Variants in FAM177A1 observed in about 807,000 individuals in gnomAD.
FAM177A1 encodes the protein family with sequence similarity 177 member A1, also known as protein FAM177A1.
Under a neutral mutation model 26.1 loss-of-function variants are expected in FAM177A1, and 22 were observed. That is an observed-to-expected ratio of 0.84 (90% CI 0.60 to 1.20). The LOEUF is 1.20. Ranked by LOEUF, FAM177A1 falls within the 50% of genes most tolerant of loss-of-function variation. FAM177A1 has a pLI of 0.00. For missense variants in FAM177A1, 296 were observed against 291.1 expected, an observed-to-expected ratio of 1.02 and a Z score of -0.12; for synonymous variants, 95 against 99.3, an observed-to-expected ratio of 0.96 and a Z score of 0.26.
Position 35,046,360 on chromosome 14 carries a change from C to T in FAM177A1, c.-104C>T. 1 of 1,324,888 alleles carries T rather than the reference C, an allele frequency of 7.5e-7. No homozygotes were observed. The highest frequency in any genetic ancestry group is 9.9e-7 in the Non-Finnish European group (1 of 1,012,054). 82.1% of individuals were successfully genotyped at this position (1,324,888 alleles called of 1,614,324 possible). ...CCCGCCCCTCAGGCCGGCGAGTCCCCTTCTCAGAGACTTGGCTAGGCGCGG... is the reference window on the plus strand; with the variant it reads ...CCCGCCCCTCAGGCCGGCGAGTCCCTTTCTCAGAGACTTGGCTAGGCGCGG... On this transcript the variant is annotated 5_prime_UTR_variant, in exon 1 of 5. Transcript: ENST00000280987.
intron 2 of FAM177A1, among the ~76,000 whole-genome samples, chr14:35,064,158 TG>T (rs1367178663): frequency 6.7e-6 from 1 of 149,456 alleles, no homozygotes; most frequent in African/African-American, 2.5e-5. Context: ...GAGGCCAAGG[TG>T]GGCAGATCAC....
chr14:35,054,582 A>T (rs796099321), intron 2 of FAM177A1: 1 of 152,206 alleles, frequency 6.6e-6, no homozygotes, highest in African/African-American at 2.4e-5. Context: ...GAAAAGTGCT[A>T]TAAAGAAAAT....
At chr14:35,076,180 T>G (rs993540488) in intron 2 of FAM177A1, among the ~76,000 whole-genome samples, 1 of 152,104 alleles carries the variant, frequency 6.6e-6, no homozygotes, top group Non-Finnish European at 1.5e-5. Flanking sequence ...TAGCAAAGAC[T>G]TGGAACCAAC....
chr14:35,064,896 C>A (rs1380888141), intron 2 of FAM177A1, among the ~76,000 whole-genome samples: 1 of 152,122 alleles, frequency 6.6e-6, no homozygotes, highest in Non-Finnish European at 1.5e-5. Flanking sequence ...TCGTGATCCG[C>A]CCGCTTCAGC....
intron 4 of FAM177A1, among the ~76,000 whole-genome samples, chr14:35,079,576 C>T (rs766565906): frequency 5.3e-5 from 8 of 152,158 alleles, no homozygotes; most frequent in Non-Finnish European, 1.0e-4. Context: ...ATTCAAAATC[C>T]GTTCTACCAC....
intron 2 of FAM177A1, among the ~76,000 whole-genome samples, chr14:35,055,543 C>T (rs913382851): frequency 4.0e-5 from 6 of 151,148 alleles, no homozygotes; most frequent in Non-Finnish European, 7.4e-5. Context: ...AAGCGATTCT[C>T]GTGCCTCAGC....
At chr14:35,050,387 A>T (rs1375891699) in intron 1 of FAM177A1, 1 of 152,192 alleles carries the variant, frequency 6.6e-6, no homozygotes, top group Non-Finnish European at 1.5e-5. Flanking sequence ...AAAATATTTT[A>T]AAAATATAAT....
chr14:35,059,119 T>G (rs1448645201), intron 2 of FAM177A1, among the ~76,000 whole-genome samples: 1 of 151,974 alleles, frequency 6.6e-6, no homozygotes, highest in Admixed American at 6.6e-5. Context: ...GTATTTTTAG[T>G]ATTCACCATG....
chr14:35,057,674 C>T (rs2045082756), intron 2 of FAM177A1, among the ~76,000 whole-genome samples: 1 of 152,138 alleles, frequency 6.6e-6, no homozygotes, highest in African/African-American at 2.4e-5. Flanking sequence ...GCCACTGCGC[C>T]CAGCCTATAC....
intron 2 of FAM177A1, among the ~76,000 whole-genome samples, chr14:35,064,673 T>C (rs8008249): frequency 0.16 from 24,772 of 151,806 alleles, 2,229 homozygotes; most frequent in African/African-American, 0.23. Flanking sequence ...TTTTTTGAGA[T>C]GGAATCTTGC....
At chr14:35,058,354 G>A (rs1409935094) in intron 2 of FAM177A1, among the ~76,000 whole-genome samples, 8 of 152,030 alleles carry the variant, frequency 5.3e-5, no homozygotes, top group East Asian at 1.9e-4. Flanking sequence ...GTGAGCCACC[G>A]TGTCCAGCCC....
chr14:35,048,697 A>G (rs1041475293), intron 1 of FAM177A1, among the ~76,000 whole-genome samples: 20 of 151,900 alleles, frequency 1.3e-4, no homozygotes, highest in African/African-American at 4.8e-4. Flanking sequence ...CTCCAGTTCT[A>G]TGCCCAGGGG....
At chr14:35,063,217 G>A (rs1423757327) in intron 2 of FAM177A1, among the ~76,000 whole-genome samples, 1 of 150,066 alleles carries the variant, frequency 6.7e-6, no homozygotes, top group East Asian at 2.0e-4. Flanking sequence ...TCATTTTAGA[G>A]TTTATAAAAT....
At chr14:35,045,483 T>C (rs1235147963), upstream of FAM177A1, among the ~76,000 whole-genome samples, 1 of 152,210 alleles carries the variant, frequency 6.6e-6, no homozygotes, top group African/African-American at 2.4e-5. Context: ...CATACAACTT[T>C]AGGGAGCATT....
chr14:35,053,957 C>T (rs1368862980), intron 2 of FAM177A1, among the ~76,000 whole-genome samples: 1 of 152,122 alleles, frequency 6.6e-6, no homozygotes. Context: ...TATGCCATTG[C>T]ACTCCAGCCT....
intron 2 of FAM177A1, among the ~76,000 whole-genome samples, chr14:35,053,969 G>A (rs905168118): frequency 2.0e-5 from 3 of 152,102 alleles, no homozygotes; most frequent in Non-Finnish European, 2.9e-5. Flanking sequence ...CTCCAGCCTC[G>A]GGGACAGAGC....
intron 2 of FAM177A1, among the ~76,000 whole-genome samples, chr14:35,076,269 A>T (rs2045394097): frequency 6.6e-6 from 1 of 152,232 alleles, no homozygotes; most frequent in Admixed American, 6.5e-5. Flanking sequence ...GCCATAAAAA[A>T]GGATGAGTTC....
chr14:35,068,489 C>T lies in FAM177A1; in HGVS notation c.340-8661C>T, dbSNP rs73234486. On this transcript the variant is annotated intron_variant, in intron 2 of 4. Coordinates refer to ENST00000280987, the MANE Select transcript of FAM177A1 (RefSeq NM_173607.5). ...ATTGAGTTTAGCCAATGTGAACCACCGGCAGGAAATTAGAGGGCAGGGAAT... is the reference window on the plus strand; with the variant it reads ...ATTGAGTTTAGCCAATGTGAACCACTGGCAGGAAATTAGAGGGCAGGGAAT... 2.1e-3 allele frequency among the ~76,000 whole-genome samples: 314 copies of T among 152,226 alleles called. 1 individual carries two copies. The highest frequency in any genetic ancestry group is 7.1e-3 in the African/African-American group (294 of 41,538).
At chr14:35,059,232 G>A (rs1207430980) in intron 2 of FAM177A1, among the ~76,000 whole-genome samples, 2 of 152,072 alleles carry the variant, frequency 1.3e-5, no homozygotes. Flanking sequence ...GCCAGTGTGA[G>A]CTTTTTTATA....
Sources: allele counts gnomAD v4.1 joint callset (sites outside exome capture counted in the v4.1 genomes callset), GRCh38; gene constraint gnomAD v4.1.1; transcripts MANE v1.5; gene names NCBI Gene and HGNC (gene_info 2026-07-23, HGNC 2026-07-21).